LMNTD1: variants seen among roughly 807,000 people sequenced by gnomAD.
The protein encoded by LMNTD1 is lamin tail domain-containing protein 1.
A neutral mutation model predicts 50.9 loss-of-function variants in LMNTD1; 35 were observed. The ratio of observed to expected loss-of-function variants is 0.69; its 90% CI spans 0.53 to 0.91. LMNTD1 has a LOEUF of 0.91. Among genes scored for constraint, LMNTD1 ranks in the 40% least tolerant of loss-of-function variants. The probability of loss-of-function intolerance (pLI) is 0.00; values close to 1 mark genes in which losing one functional copy is unlikely to be tolerated. For synonymous variants in LMNTD1, 153 were observed against 161.9 expected (o/e 0.94, Z 0.42); for missense variants, 470 against 475.5 (o/e 0.99, Z 0.11).
chr12:25,637,421 AT>A (rs1453215607), intron 1 of LMNTD1, among the ~76,000 whole-genome samples: 1 of 152,190 alleles, frequency 6.6e-6, no homozygotes, highest in South Asian at 2.1e-4. Flanking sequence ...AAATAACATT[AT>A]TTTTAAAAGA....
At chr12:25,617,977 G>A (rs1877145) in intron 1 of LMNTD1, among the ~76,000 whole-genome samples, 115,920 of 152,084 alleles carry the variant, frequency 0.76, 44,821 homozygotes, top group Middle Eastern at 0.85. Context: ...TCCCCATTGT[G>A]CAGGAAAGGG....
At chr12:25,638,878 A>G (rs1946891632) in intron 1 of LMNTD1, among the ~76,000 whole-genome samples, 1 of 152,136 alleles carries the variant, frequency 6.6e-6, no homozygotes, top group Non-Finnish European at 1.5e-5. Flanking sequence ...AATCTGGAGA[A>G]ACAAAGAACA....
intron 1 of LMNTD1, among the ~76,000 whole-genome samples, chr12:25,617,589 G>T (rs1325122486): frequency 2.6e-5 from 4 of 152,168 alleles, no homozygotes; most frequent in Non-Finnish European, 4.4e-5. Context: ...TTTTTCTAGA[G>T]AGTGAAAATG....
intron 1 of LMNTD1, among the ~76,000 whole-genome samples, chr12:25,628,833 G>A (rs925038797): frequency 3.9e-5 from 6 of 152,164 alleles, no homozygotes; most frequent in Non-Finnish European, 8.8e-5. Flanking sequence ...TAGTGAAACT[G>A]ATTCTGGGCT....
At chr12:25,533,066 A>C (rs1268702192) in intron 4 of LMNTD1, among the ~76,000 whole-genome samples, 1 of 152,148 alleles carries the variant, frequency 6.6e-6, no homozygotes, top group Non-Finnish European at 1.5e-5. Flanking sequence ...TATTAACCTC[A>C]AATTTTTATT....
intron 1 of LMNTD1, among the ~76,000 whole-genome samples, chr12:25,569,076 C>T (rs1211446859): frequency 2.0e-5 from 3 of 152,226 alleles, no homozygotes; most frequent in Admixed American, 6.5e-5. Flanking sequence ...TGGCAGCTTG[C>T]CCTCTGTGCC....
intron 1 of LMNTD1, among the ~76,000 whole-genome samples, chr12:25,640,806 G>A (rs1459414102): frequency 6.6e-6 from 1 of 151,944 alleles, no homozygotes; most frequent in Non-Finnish European, 1.5e-5. Flanking sequence ...GGGACTACAG[G>A]TGCCCACCAC....
At chr12:25,505,247 T>C (rs991982860) in intron 8 of LMNTD1, among the ~76,000 whole-genome samples, 1 of 152,198 alleles carries the variant, frequency 6.6e-6, no homozygotes, top group African/African-American at 2.4e-5. Flanking sequence ...CTAAATCCCC[T>C]GAATTTCTGA....
chr12:25,565,425 T>G, intron 1 of LMNTD1, among the ~76,000 whole-genome samples: 1 of 152,202 alleles, frequency 6.6e-6, no homozygotes, highest in East Asian at 1.9e-4. Context: ...TGATAACAAC[T>G]TAACATTGTG....
Position 25,476,890 on chromosome 12 carries a change from T to A in LMNTD1, c.*23-430A>T, listed in dbSNP as rs529951135. Among the ~76,000 whole-genome samples, 720 of 152,306 alleles carry A rather than the reference T, an allele frequency of 4.7e-3. 5 individuals are homozygous for A. The highest frequency in any genetic ancestry group is 0.02 in the Middle Eastern group (6 of 294). On this transcript the variant is annotated intron_variant, in intron 9 of 9. Transcript: ENST00000458174. ...GGAATTATTTACAGAAATAATTTTT[T>A]AAAATCTCCCAGGGTCTCCAGGACA...
At chr12:25,523,175 AGGCG>A (rs1239320613) in intron 6 of LMNTD1, among the ~76,000 whole-genome samples, 1 of 152,122 alleles carries the variant, frequency 6.6e-6, no homozygotes, top group African/African-American at 2.4e-5. Context: ...CTGGGACTAC[AGGCG>A]GGCACCACCA....
At chr12:25,484,108 G>T (rs1938532754) in intron 9 of LMNTD1, among the ~76,000 whole-genome samples, 2 of 151,934 alleles carry the variant, frequency 1.3e-5, no homozygotes. Context: ...GTTGGGAGTT[G>T]AGAATGAAAG....
intron 1 of LMNTD1, among the ~76,000 whole-genome samples, chr12:25,572,819 C>T (rs1466254227): frequency 6.6e-5 from 10 of 151,424 alleles, no homozygotes; most frequent in Admixed American, 6.6e-4. Context: ...TCCCTCCCTC[C>T]CTTCCTTCTG....
At chr12:25,572,364 T>C (rs79458328) in intron 1 of LMNTD1, among the ~76,000 whole-genome samples, 1,674 of 152,352 alleles carry the variant, frequency 0.011, 19 homozygotes, top group Non-Finnish European at 0.018. Context: ...AAGTTGTATC[T>C]ATTTGTGAGA....
chr12:25,484,049 A>C (rs895038998), intron 9 of LMNTD1, among the ~76,000 whole-genome samples: 1 of 151,982 alleles, frequency 6.6e-6, no homozygotes, highest in East Asian at 1.9e-4. Flanking sequence ...TATTTAAGTC[A>C]CCCGGATAGT....
At chr12:25,629,436 G>T (rs1216918663) in intron 1 of LMNTD1, among the ~76,000 whole-genome samples, 3 of 152,194 alleles carry the variant, frequency 2.0e-5, no homozygotes, top group Admixed American at 1.3e-4. Context: ...GTCCTAATCA[G>T]CCCGAATCCA....
chr12:25,641,969 G>GA (rs1946966887), intron 1 of LMNTD1, among the ~76,000 whole-genome samples: 1 of 151,866 alleles, frequency 6.6e-6, no homozygotes, highest in African/African-American at 2.4e-5. Context: ...CCAAATTTGC[G>GA]AATTTCAGTC....
In LMNTD1 at chr12:25,637,441, G is replaced by A. The variant is rs138777813; in HGVS notation, c.58+11053C>T. 2.9e-3 allele frequency among the ~76,000 whole-genome samples: 446 copies of A among 152,058 alleles called. 2 individuals carry two copies. Among genetic ancestry groups the A allele is most frequent in the African/African-American group, 0.01 (429 of 41,496 alleles). ...ACATTATTTTTAAAAGAACCAAAAG[G>A]AAATTCTGGCATTAAAAATATGGTA... is the stretch of plus-strand genomic sequence containing the variant. On this transcript the variant is annotated intron_variant, in intron 1 of 7. Coordinates refer to the LMNTD1 transcript ENST00000445693.
intron 8 of LMNTD1, among the ~76,000 whole-genome samples, chr12:25,515,056 AT>A (rs1258917690): frequency 1.5e-4 from 23 of 152,146 alleles, no homozygotes; most frequent in Admixed American, 1.3e-3. Flanking sequence ...ACATGTAGGA[AT>A]TTTAGAAGAT....
Sources: gnomAD v4.1 joint callset for allele counts (sites outside exome capture counted in the v4.1 genomes callset) on GRCh38, gnomAD v4.1.1 for gene constraint, MANE v1.5 for transcripts, NCBI Gene and HGNC (gene_info 2026-07-23, HGNC 2026-07-21) for gene names.